Variants in ADCY9 observed in about 807,000 individuals in gnomAD.
ADCY9 encodes adenylate cyclase 9, also known as adenylate cyclase type 9.
A neutral mutation model predicts 101.5 loss-of-function variants in ADCY9; 50 were observed. The observed-to-expected ratio is 0.49, with a 90% CI of 0.39 to 0.62. ADCY9 has a LOEUF of 0.62. ADCY9 is among the 20% of genes least tolerant of loss of function. The probability of loss-of-function intolerance (pLI) is 0.00; values close to 1 mark genes in which losing one functional copy is unlikely to be tolerated. For synonymous variants in ADCY9, 905 were observed against 769.3 expected, an observed-to-expected ratio of 1.18 and a Z score of -2.92; for missense variants, 1,662 against 1,800.4, an observed-to-expected ratio of 0.92 and a Z score of 1.39.
chr16:4,029,985 C>G (rs1405236655), intron 2 of ADCY9, among the ~76,000 whole-genome samples: 1 of 152,150 alleles, frequency 6.6e-6, no homozygotes, highest in African/African-American at 2.4e-5. Context: ...AACAGAGTGA[C>G]AAGCGCTGGT....
chr16:3,984,360 T>C (rs891489138), intron 6 of ADCY9, among the ~76,000 whole-genome samples: 3 of 152,162 alleles, frequency 2.0e-5, no homozygotes, highest in African/African-American at 7.2e-5. Context: ...GGCCTGGCTC[T>C]GTGCTGGGGG....
chr16:4,037,615 C>G (rs1191373949), intron 2 of ADCY9, among the ~76,000 whole-genome samples: 1 of 152,120 alleles, frequency 6.6e-6, no homozygotes, highest in Non-Finnish European at 1.5e-5. Flanking sequence ...CCCAGTAAGA[C>G]CCCACTTCTT....
At position 3,965,985 on chromosome 16, in the gene ADCY9, A is replaced by G. The variant is rs1351955074; in HGVS notation, c.3852T>C (p.Ser1284=). Residue 1284 remains serine (S), a synonymous_variant, in exon 11 of 11, where the codon TCT becomes TCC. Coordinates refer to ENST00000294016, the MANE Select transcript of ADCY9 (RefSeq NM_001116.4). ...PTDEIANLVP[S]VQYVDKTSLG... Reference sequence around the variant, plus strand: ...GAGATGTCTTGTCCACATACTGGACAGAAGGCACCAGGTTGGCAATCTCGT... The same window carrying G: ...GAGATGTCTTGTCCACATACTGGACGGAAGGCACCAGGTTGGCAATCTCGT... 4.3e-6 allele frequency: 7 copies of G among 1,614,102 alleles called. No individual in the cohort carries two copies. In the East Asian group the frequency reaches 1.6e-4, roughly 36 times the overall value.
At chr16:4,041,919 G>GTTTTTTTTT (rs750737772) in intron 2 of ADCY9, among the ~76,000 whole-genome samples, 3 of 100,670 alleles carry the variant, frequency 3.0e-5, no homozygotes, top group African/African-American at 8.0e-5. Flanking sequence ...CCCCAGCTAA[G>GTTTTTTTTT]TTTTTTTTTT....
chr16:3,979,058 AAG>A (rs2056117107), intron 8 of ADCY9, 56 bp downstream of exon 8: 1 of 1,599,436 alleles, frequency 6.3e-7, no homozygotes. Context: ...ATTTAAAGAA[AAG>A]AGAGATTAGG....
chr16:4,031,906 T>A (rs997355980), intron 2 of ADCY9: 1 of 151,000 alleles, frequency 6.6e-6, no homozygotes. Context: ...TTAATTAAAA[T>A]TAAATTAAAA....
intron 2 of ADCY9, among the ~76,000 whole-genome samples, chr16:4,073,967 T>C (rs1293221229): frequency 6.6e-6 from 1 of 152,182 alleles, no homozygotes; most frequent in African/African-American, 2.4e-5. Context: ...GCCGCTTAAA[T>C]TTAAATTACT....
In ADCY9 at chr16:4,007,399, G is replaced by A. The variant is rs755805807; in HGVS notation, c.1853C>T (p.Ala618Val). 1.9e-6 allele frequency: 3 copies of A among 1,596,646 alleles called. No individual in the cohort carries two copies. Among genetic ancestry groups the A allele is most frequent in the South Asian group, 1.1e-5 (1 of 87,968 alleles). The change falls in exon 3 of 11, where the codon GCG becomes GTG. Residue 618 changes from alanine (A) to valine (V), a missense_variant. Transcript: ENST00000294016. ...GTTATCAAAGGTTTTGACAGTCTGCGCCAAGTCACTGACATTCCCTGATGA... is the reference window on the plus strand; with the variant it reads ...GTTATCAAAGGTTTTGACAGTCTGCACCAAGTCACTGACATTCCCTGATGA... ...TASSGNVSDL[A>V]QTVKTFDNLK...
At chr16:4,019,687 G>A (rs1001262760) in intron 2 of ADCY9, among the ~76,000 whole-genome samples, 2 of 152,224 alleles carry the variant, frequency 1.3e-5, no homozygotes, top group Admixed American at 1.3e-4. Flanking sequence ...AACCACTGTT[G>A]TCAAAGGAGA....
chr16:4,078,914 G>C (rs1394877414), intron 2 of ADCY9, among the ~76,000 whole-genome samples: 2 of 152,180 alleles, frequency 1.3e-5, no homozygotes, highest in African/African-American at 2.4e-5. Context: ...ATGAAAAAGA[G>C]ATTTGGCCCC....
chr16:4,099,268 C>G (rs1427092296), intron 2 of ADCY9, among the ~76,000 whole-genome samples: 1 of 152,080 alleles, frequency 6.6e-6, no homozygotes, highest in Non-Finnish European at 1.5e-5. Context: ...TACCTACATT[C>G]ACAGACACCT....
intron 2 of ADCY9, among the ~76,000 whole-genome samples, chr16:4,018,146 C>G (rs112397902): frequency 6.6e-6 from 1 of 152,022 alleles, no homozygotes; most frequent in Non-Finnish European, 1.5e-5. Context: ...ACCGAGGCTG[C>G]GGAGCCACCT....
chr16:4,009,853 A>G (rs2056391906), intron 2 of ADCY9, among the ~76,000 whole-genome samples: 1 of 152,192 alleles, frequency 6.6e-6, no homozygotes. Context: ...ACCCGCCTTC[A>G]TCAAAGAAGT....
intron 2 of ADCY9, among the ~76,000 whole-genome samples, chr16:4,042,407 C>T (rs1455161079): frequency 6.6e-6 from 1 of 152,092 alleles, no homozygotes; most frequent in Non-Finnish European, 1.5e-5. Flanking sequence ...ATGGCTTCTT[C>T]CCCGCCCCAT....
intron 2 of ADCY9, among the ~76,000 whole-genome samples, chr16:4,010,925 CTT>C (rs1381553414): frequency 6.6e-6 from 1 of 152,036 alleles, no homozygotes; most frequent in Non-Finnish European, 1.5e-5. Flanking sequence ...TTCCTTCTCC[CTT>C]CCAGAAGATG....
chr16:3,958,347 G>C (rs1200958820), downstream of ADCY9, among the ~76,000 whole-genome samples: 1 of 152,026 alleles, frequency 6.6e-6, no homozygotes, highest in Non-Finnish European at 1.5e-5. Context: ...TTCAAGACCA[G>C]CCCAGCCATG....
Position 3,965,507 on chromosome 16 carries a change from G to A in ADCY9, c.*268C>T. The stretch of plus-strand genomic sequence containing the variant: ...GGCCTCTGTCCCGAGACTCGAGGCC[G>A]AGGCCAGCCCTGAAGGCACTTGTTC... On this transcript the variant is annotated 3_prime_UTR_variant, in exon 11 of 11. Coordinates refer to ENST00000294016, the MANE Select transcript of ADCY9 (RefSeq NM_001116.4). 2 of 490,830 alleles carry A rather than the reference G, an allele frequency of 4.1e-6. No homozygotes were observed. The highest frequency in any genetic ancestry group is 3.5e-5 in the South Asian group (1 of 28,218). The allele number at this position is 490,830 out of a possible 1,614,324, so 30.4% of individuals were successfully genotyped here.
At chr16:4,113,721 G>C in intron 2 of ADCY9, 29 bp downstream of exon 2, 1 of 1,590,446 alleles carries the variant, frequency 6.3e-7, no homozygotes, top group South Asian at 1.1e-5. Context: ...TCAGGGAGGG[G>C]GGATGCCGAG....
chr16:4,038,607 G>A (rs1567448539), intron 2 of ADCY9, among the ~76,000 whole-genome samples: 1 of 152,198 alleles, frequency 6.6e-6, no homozygotes, highest in Admixed American at 6.5e-5. Flanking sequence ...ATACCGTGTC[G>A]CTGTACACTC....
Sources: allele counts gnomAD v4.1 joint callset (sites outside exome capture counted in the v4.1 genomes callset), GRCh38; gene constraint gnomAD v4.1.1; transcripts MANE v1.5; gene names NCBI Gene and HGNC (gene_info 2026-07-23, HGNC 2026-07-21).